ST6GAL2: variants seen among roughly 807,000 people sequenced by gnomAD.
ST6GAL2 encodes beta-galactoside alpha-2,6-sialyltransferase 2.
Under a neutral mutation model 37.5 loss-of-function variants are expected in ST6GAL2, and 24 were observed. The observed-to-expected ratio is 0.64, with a 90% confidence interval of 0.46 to 0.90. The LOEUF is 0.90. Among genes scored for constraint, ST6GAL2 ranks in the 40% least tolerant of loss-of-function variants. The pLI, the probability that ST6GAL2 is intolerant of heterozygous loss-of-function variation, is 0.00. For missense variants in ST6GAL2, 715 were observed against 712.7 expected, an observed-to-expected ratio of 1.00 and a Z score of -0.04; for synonymous variants, 306 against 295.1, an observed-to-expected ratio of 1.04 and a Z score of -0.38.
At chr2:106,865,667 T>C (rs1423603713) in intron 1 of ST6GAL2, among the ~76,000 whole-genome samples, 2 of 152,174 alleles carry the variant, frequency 1.3e-5, no homozygotes, top group African/African-American at 2.4e-5. Context: ...CACTAAGCCA[T>C]GATGTAACAA....
At chr2:106,881,670 T>C (rs967767757) in intron 1 of ST6GAL2, among the ~76,000 whole-genome samples, 2 of 152,214 alleles carry the variant, frequency 1.3e-5, no homozygotes, top group African/African-American at 4.8e-5. Flanking sequence ...ATTACCAACA[T>C]GCAAGAACCT....
At position 106,845,710 on chromosome 2, in the gene ST6GAL2, C is replaced by T. The variant is rs544656782; in HGVS notation, c.-57-1676G>A. On this transcript the variant is annotated intron_variant, in intron 1 of 5. Coordinates refer to ENST00000409382, the MANE Select transcript of ST6GAL2 (RefSeq NM_001142351.2). ...GTGCTAAACTAAGAAAACTACATTC[C>T]TTTTGTGGCTCTATGGCAGGTTAAA... 2.0e-5 allele frequency among the ~76,000 whole-genome samples: 3 copies of T among 152,282 alleles called. No homozygotes were observed. In the South Asian group the frequency reaches 6.2e-4, roughly 32 times the overall value.
rs1051194464 is a variant in ST6GAL2 at position 106,804,773 on chromosome 2, C to CA, written c.*1904dup. 2.9e-5 allele frequency: 4 copies of CA among 137,588 alleles called. No homozygotes were observed. Among genetic ancestry groups the CA allele is most frequent in the Non-Finnish European group, 4.5e-5 (3 of 66,408 alleles). 8.5% of individuals were successfully genotyped at this position (137,588 alleles called of 1,614,324 possible). ...AGGAGAATGGTGTGAACGTGGGAGG[C>CA]AGAGCTGGCAGTGAACCAAGATCGC... On this transcript the variant is annotated 3_prime_UTR_variant, in exon 6 of 6. Coordinates refer to ENST00000409382, the MANE Select transcript of ST6GAL2 (RefSeq NM_001142351.2).
intron 1 of ST6GAL2, among the ~76,000 whole-genome samples, chr2:106,851,377 T>C (rs572763457): frequency 1.3e-5 from 2 of 152,334 alleles, no homozygotes; most frequent in East Asian, 1.9e-4. Flanking sequence ...TTCTTAGGGA[T>C]AGTTAAAGTA....
chr2:106,823,558 C>T lies in ST6GAL2; in HGVS notation c.1318+6508G>A, dbSNP rs552961272. On this transcript the variant is annotated intron_variant, in intron 5 of 5. Coordinates refer to ENST00000409382, the MANE Select transcript of ST6GAL2 (RefSeq NM_001142351.2). ...CCTAATCCAATAAGGCAAGAACACA[C>T]GATGTATGAGCCATCAAAGAGACTA... 9.9e-5 allele frequency among the ~76,000 whole-genome samples: 15 copies of T among 151,574 alleles called. 1 individual carries two copies. In the South Asian group the frequency reaches 2.7e-3, roughly 28 times the overall value.
At chr2:106,873,624 G>C (rs976010321) in intron 1 of ST6GAL2, among the ~76,000 whole-genome samples, 2 of 152,166 alleles carry the variant, frequency 1.3e-5, no homozygotes, top group Non-Finnish European at 2.9e-5. Flanking sequence ...CATTAGTTCC[G>C]AATGCTTTGC....
Position 106,843,295 on chromosome 2 carries a change from T to A in ST6GAL2, c.683A>T (p.Tyr228Phe). 6.2e-7 allele frequency: 1 copy of A among 1,612,742 alleles called. No homozygotes were observed. The highest frequency in any genetic ancestry group is 8.5e-7 in the Non-Finnish European group (1 of 1,179,488). Reference sequence around the variant, plus strand: ...CACCCCGTGCTTGTTGGCGGTCAGGTAATCCTTCATCGCCTTCTGCAGGCG... The same window carrying A: ...CACCCCGTGCTTGTTGGCGGTCAGGAAATCCTTCATCGCCTTCTGCAGGCG... ...NPRLQKAMKD[Y>F]LTANKHGVRF... is the part of the protein sequence containing the mutation. The change falls in exon 2 of 6, where the codon TAC (tyrosine) becomes TTC (phenylalanine). Residue 228 changes from tyrosine to phenylalanine, a missense_variant. Physicochemically the swap from Tyr to Phe is conservative, Grantham distance 22. This residue lies in a region of ST6GAL2 where 512 missense variants were observed against 488.8 expected (regional missense o/e 1.05). Transcript: ENST00000409382.
At chr2:106,817,489 T>C (rs1675846548) in intron 5 of ST6GAL2, among the ~76,000 whole-genome samples, 1 of 152,140 alleles carries the variant, frequency 6.6e-6, no homozygotes. Flanking sequence ...ACCTGCTTCA[T>C]GGAGAGAAGG....
At chr2:106,859,346 TG>T (rs1677709456) in intron 1 of ST6GAL2, among the ~76,000 whole-genome samples, 1 of 152,198 alleles carries the variant, frequency 6.6e-6, no homozygotes, top group Admixed American at 6.5e-5. Flanking sequence ...TAGTTATAAT[TG>T]TGCTGTGTTC....
At chr2:106,884,719 A>C (rs1165789937) in intron 1 of ST6GAL2, among the ~76,000 whole-genome samples, 1 of 151,960 alleles carries the variant, frequency 6.6e-6, no homozygotes, top group Non-Finnish European at 1.5e-5. Flanking sequence ...AGTTTTGAGC[A>C]CAATATCCAT....
At chr2:106,859,453 G>A (rs544876720) in intron 1 of ST6GAL2, among the ~76,000 whole-genome samples, 12 of 152,278 alleles carry the variant, frequency 7.9e-5, no homozygotes, top group Non-Finnish European at 1.2e-4. Context: ...ACTTAAATGT[G>A]TTCTGAGAAT....
intron 1 of ST6GAL2, among the ~76,000 whole-genome samples, chr2:106,855,408 A>C (rs1677534866): frequency 6.6e-6 from 1 of 152,226 alleles, no homozygotes; most frequent in African/African-American, 2.4e-5. Context: ...CTGTGGGTAA[A>C]CTTCCTGTGT....
rs573600098 is a variant in ST6GAL2, at chr2:106,854,502, A to T, written c.-57-10468T>A. 5.6e-4 allele frequency among the ~76,000 whole-genome samples: 86 copies of T among 152,356 alleles called. 1 individual carries two copies. The South Asian group carries it at 0.018, about 32-fold the overall frequency. ...ACTCTATATTAGTGTATTGTATTGT[A>T]TGATATAAGCATATATTATACTAAA... On this transcript the variant is annotated intron_variant, in intron 1 of 5. Coordinates refer to ENST00000409382, the MANE Select transcript of ST6GAL2 (RefSeq NM_001142351.2).
intron 1 of ST6GAL2, among the ~76,000 whole-genome samples, chr2:106,868,100 C>T (rs1031873904): frequency 6.6e-6 from 1 of 152,126 alleles, no homozygotes; most frequent in Non-Finnish European, 1.5e-5. Context: ...TCTGTTGTGT[C>T]CTAATGATAC....
intron 1 of ST6GAL2, among the ~76,000 whole-genome samples, chr2:106,844,265 G>A (rs901967156): frequency 6.7e-6 from 1 of 148,876 alleles, no homozygotes; most frequent in African/African-American, 2.5e-5. Context: ...CACCATCTCA[G>A]GTGAGTCTTT....
Position 106,843,136 on chromosome 2 carries a change from G to A in ST6GAL2, c.842C>T (p.Pro281Leu), listed in dbSNP as rs1485968518. The A allele has an allele frequency of 1.3e-6, 2 of 1,563,944 alleles. No homozygotes were observed. Among genetic ancestry groups the A allele is most frequent in the Non-Finnish European group, 8.6e-7 (1 of 1,157,976 alleles). The change falls in exon 2 of 6, where the codon CCC becomes CTC. Residue 281 changes from proline (P) to leucine (L), a missense_variant. By Grantham distance (98) the Pro-to-Leu change is moderately conservative. Transcript: ENST00000409382. ...GTGCAGCTGGCTCAGGGGCACGGCG[G>A]GCACCAGGCGCCGCCAGCCCAGCGC... Reference protein sequence around the residue: ...FSALGWRRLVPAVPLSQLHPR... With the variant: ...FSALGWRRLVLAVPLSQLHPR...
intron 1 of ST6GAL2, among the ~76,000 whole-genome samples, chr2:106,874,665 C>T (rs1678426515): frequency 6.6e-6 from 1 of 152,052 alleles, no homozygotes; most frequent in African/African-American, 2.4e-5. Flanking sequence ...CACTGCTTCC[C>T]CTCAATTTTT....
rs912734250 is a variant in ST6GAL2, at chr2:106,805,453, C to G, written c.*1225G>C. 3 of 152,160 alleles carry G rather than the reference C, an allele frequency of 2.0e-5. No homozygotes were observed. Among genetic ancestry groups the G allele is most frequent in the African/African-American group, 7.2e-5 (3 of 41,444 alleles). 9.4% of individuals were successfully genotyped at this position (152,160 alleles called of 1,614,324 possible). On this transcript the variant is annotated 3_prime_UTR_variant, in exon 6 of 6. Coordinates refer to ENST00000409382, the MANE Select transcript of ST6GAL2 (RefSeq NM_001142351.2). The stretch of plus-strand genomic sequence containing the variant: ...CTAACATATTGGGATGAAAATTTCC[C>G]TCTAGCTGCCTTTCCCTCTGAAGCA...
At chr2:106,846,015 C>T (rs537440123) in intron 1 of ST6GAL2, among the ~76,000 whole-genome samples, 5 of 137,700 alleles carry the variant, frequency 3.6e-5, no homozygotes, top group African/African-American at 1.4e-4. Flanking sequence ...TGAGAGATAC[C>T]CAGCCAGCCC....
Sources: allele counts gnomAD v4.1 joint callset (sites outside exome capture counted in the v4.1 genomes callset), GRCh38; gene constraint gnomAD v4.1.1; regional missense constraint gnomAD v4.1.1; transcripts MANE v1.5; gene names NCBI Gene and HGNC (gene_info 2026-07-23, HGNC 2026-07-21).